CSMD1: variants seen among roughly 807,000 people sequenced by gnomAD.
The protein encoded by CSMD1 is CUB and Sushi multiple domains 1.
A neutral mutation model predicts 417.5 loss-of-function variants in CSMD1; 213 were observed. That is an observed-to-expected ratio of 0.51 (90% CI 0.46 to 0.57). The LOEUF (loss-of-function observed/expected upper bound fraction) is 0.57. CSMD1 is among the 20% of genes least tolerant of loss of function. The pLI, the probability that CSMD1 is intolerant of heterozygous loss-of-function variation, is 0.00. For synonymous variants in CSMD1, 2,862 were observed against 1,736.8 expected, an observed-to-expected ratio of 1.65 and a Z score of -16.11; for missense variants, 6,923 against 4,529.7, an observed-to-expected ratio of 1.53 and a Z score of -15.17.
chr8:3,259,644 T>C (rs1222775655), intron 26 of CSMD1, among the ~76,000 whole-genome samples: 4 of 152,184 alleles, frequency 2.6e-5, no homozygotes, highest in Admixed American at 6.5e-5. Context: ...TTAATATGTA[T>C]ACAAGTGAAA....
At chr8:4,274,040 C>T (rs759884108) in intron 3 of CSMD1, among the ~76,000 whole-genome samples, 6 of 152,062 alleles carry the variant, frequency 3.9e-5, no homozygotes, top group Non-Finnish European at 7.4e-5. Flanking sequence ...AAAATAAATG[C>T]AGAGTTGAAG....
chr8:3,269,819 T>A (rs753983135), intron 26 of CSMD1, among the ~76,000 whole-genome samples: 6 of 152,174 alleles, frequency 3.9e-5, no homozygotes, highest in Non-Finnish European at 7.4e-5. Flanking sequence ...GTCCTTCTGT[T>A]TTACATGCTG....
At position 4,080,411 on chromosome 8, in the gene CSMD1, G is replaced by C. The variant is rs185751462; in HGVS notation, c.416-48312C>G. On this transcript the variant is annotated intron_variant, in intron 3 of 69. Coordinates refer to ENST00000635120, the MANE Select transcript of CSMD1 (RefSeq NM_033225.6). ...CATATTGAATTTCCAAAATGTACTG[G>C]TGAGTAATCATGCCATTACATACAT... Among the ~76,000 whole-genome samples, 37 of 152,292 alleles carry C rather than the reference G, an allele frequency of 2.4e-4. 1 individual carries two copies. In the East Asian group the frequency reaches 6.4e-3, roughly 26 times the overall value.
intron 12 of CSMD1, among the ~76,000 whole-genome samples, chr8:3,421,265 G>A (rs1279415600): frequency 6.6e-6 from 1 of 152,192 alleles, no homozygotes; most frequent in East Asian, 1.9e-4. Flanking sequence ...ACTGGATCCA[G>A]GGATTGGCCC....
At chr8:4,824,933 G>C (rs1304139734) in intron 1 of CSMD1, among the ~76,000 whole-genome samples, 1 of 152,066 alleles carries the variant, frequency 6.6e-6, no homozygotes. Flanking sequence ...GTAAAGCCAA[G>C]ACATTTCTCG....
chr8:3,353,764 C>T (rs1991070), intron 21 of CSMD1, among the ~76,000 whole-genome samples: 121,261 of 151,682 alleles, frequency 0.8, 48,645 homozygotes, highest in East Asian at 0.89. Flanking sequence ...GATGAATGAA[C>T]ACAGTTTCTT....
At chr8:4,405,182 G>A (rs1378331186) in intron 3 of CSMD1, among the ~76,000 whole-genome samples, 1 of 152,132 alleles carries the variant, frequency 6.6e-6, no homozygotes, top group Non-Finnish European at 1.5e-5. Context: ...TAAATCCTTT[G>A]TCAACACAAT....
intron 3 of CSMD1, among the ~76,000 whole-genome samples, chr8:4,294,982 A>T (rs1797579409): frequency 6.6e-6 from 1 of 150,640 alleles, no homozygotes; most frequent in African/African-American, 2.4e-5. Context: ...TATTTTGCCA[A>T]GTCACCTGAT....
chr8:4,582,213 G>A (rs1443416836), intron 2 of CSMD1, among the ~76,000 whole-genome samples: 2 of 152,026 alleles, frequency 1.3e-5, no homozygotes, highest in Admixed American at 6.6e-5. Context: ...CACCCACTAA[G>A]CACTTAGAAT....
rs148039849 is a variant in CSMD1 at position 3,232,212 on chromosome 8, T to C, written c.4154-1981A>G. On this transcript the variant is annotated intron_variant, in intron 26 of 69. Coordinates refer to ENST00000635120, the MANE Select transcript of CSMD1 (RefSeq NM_033225.6). ...TTCCCTTGCTTTTCTTCACAGTGAC[T>C]ATAAATGTATGCATTCCACTTTTAG... 1.8e-3 allele frequency among the ~76,000 whole-genome samples: 274 copies of C among 152,366 alleles called. 1 individual carries two copies. The highest frequency in any genetic ancestry group is 6.1e-3 in the African/African-American group (254 of 41,590).
intron 1 of CSMD1, among the ~76,000 whole-genome samples, chr8:4,875,019 C>T (rs944541575): frequency 6.6e-5 from 10 of 150,408 alleles, no homozygotes; most frequent in East Asian, 3.9e-4. Flanking sequence ...CCTTTTCTCC[C>T]TTCCTCTTCT....
intron 2 of CSMD1, among the ~76,000 whole-genome samples, chr8:4,598,434 G>A (rs181850051): frequency 1.3e-5 from 2 of 152,290 alleles, no homozygotes; most frequent in Admixed American, 6.5e-5. Flanking sequence ...ACTGCTATCA[G>A]CCAGGCATGA....
chr8:3,367,168 G>A lies in CSMD1; in HGVS notation c.2979C>T (p.Ser993=), dbSNP rs372606827. ...YLLITEDGSF[S]EPVARLTGSV... ...ACCCGGTGAGCCTGGCAACGGGCTC[G>A]GAAAAACTTCCATCCTCTGTGATCA... The change falls in exon 20 of 70, where the codon TCC becomes TCT. Residue 993 remains serine, a synonymous_variant. Coordinates refer to ENST00000635120, the MANE Select transcript of CSMD1 (RefSeq NM_033225.6). 2.2e-5 allele frequency: 35 copies of A among 1,613,466 alleles called. No homozygotes were observed. The highest frequency in any genetic ancestry group is 1.6e-4 in the Middle Eastern group (1 of 6,084).
At chr8:4,918,083 A>C (rs972675140) in intron 1 of CSMD1, among the ~76,000 whole-genome samples, 3 of 98,736 alleles carry the variant, frequency 3.0e-5, no homozygotes, top group African/African-American at 1.3e-4. Context: ...ATGAGTTAGC[A>C]ATACTTTTAA....
At chr8:3,228,175 C>G (rs1798628424) in intron 27 of CSMD1, among the ~76,000 whole-genome samples, 1 of 152,082 alleles carries the variant, frequency 6.6e-6, no homozygotes, top group South Asian at 2.1e-4. Context: ...TTTTTCTCCT[C>G]TTTGATTTAA....
intron 33 of CSMD1, among the ~76,000 whole-genome samples, chr8:3,190,504 A>G (rs1321768323): frequency 6.6e-6 from 1 of 152,186 alleles, no homozygotes; most frequent in African/African-American, 2.4e-5. Context: ...ATGACTAACC[A>G]TGCGTACTTG....
At chr8:4,178,872 G>A (rs1218876914) in intron 3 of CSMD1, among the ~76,000 whole-genome samples, 2 of 152,094 alleles carry the variant, frequency 1.3e-5, no homozygotes, top group African/African-American at 4.8e-5. Flanking sequence ...ACTTACAAGG[G>A]ATGAGAAGGA....
intron 8 of CSMD1, among the ~76,000 whole-genome samples, chr8:3,611,108 G>A (rs1439099211): frequency 6.7e-6 from 1 of 148,812 alleles, no homozygotes; most frequent in Non-Finnish European, 1.5e-5. Flanking sequence ...GGGAGGGATA[G>A]CATCGGGAGA....
At chr8:3,940,497 CTG>C (rs34005059) in intron 5 of CSMD1, among the ~76,000 whole-genome samples, 32,304 of 144,812 alleles carry the variant, frequency 0.22, 3,663 homozygotes, top group Non-Finnish European at 0.26. Flanking sequence ...ATTATTTCCT[CTG>C]TGTGTGTGTG....
Sources: allele counts gnomAD v4.1 joint callset (sites outside exome capture counted in the v4.1 genomes callset), GRCh38; gene constraint gnomAD v4.1.1; transcripts MANE v1.5; gene names NCBI Gene and HGNC (gene_info 2026-07-23, HGNC 2026-07-21).